The following RNGTT variants were observed in gnomAD, a reference collection of about 807,000 sequenced individuals.
RNGTT encodes RNA guanylyltransferase and 5'-phosphatase.
In RNGTT, 33 loss-of-function variants were observed where a neutral mutation model predicts 79.3. The observed-to-expected ratio is 0.42, with a 90% CI of 0.32 to 0.56. The LOEUF is 0.56. Ranked by LOEUF, RNGTT falls within the 20% of genes least tolerant of loss-of-function variation. The pLI is 0.17. For missense variants in RNGTT, 497 were observed against 739.1 expected (o/e 0.67, Z 3.80); for synonymous variants, 222 against 235.9 (o/e 0.94, Z 0.54).
chr6:88,836,871 T>G (rs1218311610), intron 11 of RNGTT, among the ~76,000 whole-genome samples: 2 of 152,096 alleles, frequency 1.3e-5, no homozygotes, highest in Admixed American at 6.6e-5. Flanking sequence ...CTCAACTTCT[T>G]GGCTAAGATC....
At chr6:88,872,011 C>G (rs1006899783) in intron 8 of RNGTT, among the ~76,000 whole-genome samples, 4 of 152,096 alleles carry the variant, frequency 2.6e-5, no homozygotes, top group Non-Finnish European at 5.9e-5. Context: ...TATTCTCCAC[C>G]TTCCCTTTCC....
chr6:88,767,865 C>T (rs1305329256), intron 13 of RNGTT, among the ~76,000 whole-genome samples: 2 of 152,066 alleles, frequency 1.3e-5, no homozygotes, highest in East Asian at 3.9e-4. Flanking sequence ...AAAATCTGTA[C>T]ACTGGGCACT....
chr6:88,677,319 G>A (rs1308040027), intron 14 of RNGTT, among the ~76,000 whole-genome samples: 1 of 151,006 alleles, frequency 6.6e-6, no homozygotes, highest in Admixed American at 6.6e-5. Flanking sequence ...GCAGGAGGGG[G>A]AAATTTCAAA....
chr6:88,784,678 G>T (rs996765999), intron 12 of RNGTT, among the ~76,000 whole-genome samples: 1 of 152,096 alleles, frequency 6.6e-6, no homozygotes, highest in Non-Finnish European at 1.5e-5. Flanking sequence ...TAGACAAAAT[G>T]TGTGCTTTTA....
At chr6:88,924,117 A>G (rs1001211874) in intron 4 of RNGTT, among the ~76,000 whole-genome samples, 9 of 152,312 alleles carry the variant, frequency 5.9e-5, no homozygotes, top group Admixed American at 4.6e-4. Context: ...AGGTGACAAG[A>G]ACTTTAGGCT....
intron 6 of RNGTT, among the ~76,000 whole-genome samples, chr6:88,902,502 T>G (rs1009289832): frequency 2.0e-5 from 3 of 151,564 alleles, no homozygotes; most frequent in Non-Finnish European, 4.4e-5. Context: ...CTTGGGAGGC[T>G]TAGGTGGGAG....
At chr6:88,712,774 C>A (rs1776362826) in intron 13 of RNGTT, among the ~76,000 whole-genome samples, 1 of 152,000 alleles carries the variant, frequency 6.6e-6, no homozygotes, top group East Asian at 1.9e-4. Flanking sequence ...TATGACCCAG[C>A]TTTATCTGAT....
chr6:88,929,943 CA>C (rs1784442473), intron 2 of RNGTT, among the ~76,000 whole-genome samples: 1 of 148,460 alleles, frequency 6.7e-6, no homozygotes, highest in South Asian at 2.1e-4. Context: ...TATACATATG[CA>C]TATACACACG....
intron 4 of RNGTT, among the ~76,000 whole-genome samples, chr6:88,923,828 A>G (rs1365782758): frequency 6.6e-6 from 1 of 152,210 alleles, no homozygotes; most frequent in African/African-American, 2.4e-5. Flanking sequence ...TTAAAAAAAA[A>G]CAGGTGTTCT....
Position 88,941,281 on chromosome 6 carries a change from T to C in RNGTT, c.65-101A>G. 3 of 771,872 alleles carry C rather than the reference T, an allele frequency of 3.9e-6. No individual in the cohort carries two copies. The East Asian group carries it at 7.8e-5, about 20-fold the overall frequency. The allele number at this position is 771,872 out of a possible 1,614,324, so 47.8% of individuals were successfully genotyped here. A position where few individuals can be genotyped will look rare whatever the true frequency, so the allele number is the denominator to read the frequency against. On this transcript the variant is annotated intron_variant, in intron 1 of 15. Coordinates refer to ENST00000369485, the MANE Select transcript of RNGTT (RefSeq NM_003800.5). ...AAATATCACCTTCTTAAAACCTTTT[T>C]TTTTGAGACCAAGTGTCGCTCTGTC...
chr6:88,773,217 A>C (rs1419940176), intron 12 of RNGTT, among the ~76,000 whole-genome samples: 2 of 150,678 alleles, frequency 1.3e-5, no homozygotes, highest in Non-Finnish European at 3.0e-5. Context: ...AACTATCGCA[A>C]GAACAAAAAA....
intron 11 of RNGTT, among the ~76,000 whole-genome samples, chr6:88,816,356 T>G (rs914194551): frequency 2.6e-5 from 4 of 152,212 alleles, no homozygotes; most frequent in African/African-American, 7.2e-5. Flanking sequence ...GGTGCACATA[T>G]GTGTATACAG....
At chr6:88,912,140 T>C (rs964412512) in intron 4 of RNGTT, among the ~76,000 whole-genome samples, 1 of 151,242 alleles carries the variant, frequency 6.6e-6, no homozygotes, top group Non-Finnish European at 1.5e-5. Flanking sequence ...TGGTGGCTCA[T>C]ACCTGTAATC....
chr6:88,916,547 T>C (rs1023476824), intron 4 of RNGTT, among the ~76,000 whole-genome samples: 36 of 152,194 alleles, frequency 2.4e-4, no homozygotes, highest in African/African-American at 7.0e-4. Context: ...CAATATGTTG[T>C]TTTTTTAGCT....
chr6:88,660,376 T>C (rs554853760), intron 14 of RNGTT, among the ~76,000 whole-genome samples: 1 of 152,060 alleles, frequency 6.6e-6, no homozygotes, highest in South Asian at 2.1e-4. Flanking sequence ...TGGATAAAAA[T>C]CCACCAACCA....
chr6:88,937,044 CATA>C (rs912926755), intron 2 of RNGTT, among the ~76,000 whole-genome samples: 1 of 152,038 alleles, frequency 6.6e-6, no homozygotes, highest in Non-Finnish European at 1.5e-5. Context: ...TATACTTGTT[CATA>C]ATAGTCTTTG....
intron 12 of RNGTT, among the ~76,000 whole-genome samples, chr6:88,783,768 T>C (rs529355858): frequency 5.9e-5 from 9 of 152,166 alleles, no homozygotes; most frequent in East Asian, 1.9e-4. Flanking sequence ...CCGTGCAATG[T>C]AGGAGGTTTA....
intron 11 of RNGTT, among the ~76,000 whole-genome samples, chr6:88,834,342 C>T (rs1562276656): frequency 1.3e-5 from 2 of 152,080 alleles, no homozygotes; most frequent in Non-Finnish European, 2.9e-5. Context: ...TTAAATTTCC[C>T]TCTGAAATGA....
chr6:88,803,576 CAA>C (rs146140117), intron 11 of RNGTT, among the ~76,000 whole-genome samples: 26 of 56,112 alleles, frequency 4.6e-4, no homozygotes, highest in East Asian at 5.9e-4. Context: ...GACTCCATCT[CAA>C]AAAAAAAAAA....
Sources: gnomAD v4.1 joint callset for allele counts (sites outside exome capture counted in the v4.1 genomes callset) on GRCh38, gnomAD v4.1.1 for gene constraint, MANE v1.5 for transcripts, NCBI Gene and HGNC (gene_info 2026-07-23, HGNC 2026-07-21) for gene names.